The following ESR1 variants were observed in gnomAD, a reference collection of about 807,000 sequenced individuals.
ESR1 encodes the protein estrogen receptor.
Under a neutral mutation model 52.7 loss-of-function variants are expected in ESR1, and 12 were observed. That is an observed-to-expected ratio of 0.23 (90% CI 0.15 to 0.37). The LOEUF (loss-of-function observed/expected upper bound fraction) is 0.37, where lower values mean the gene tolerates loss of function less well. ESR1 is among the 10% of genes least tolerant of loss of function. ESR1 has a pLI of 1.00. For synonymous variants in ESR1, 305 were observed against 316.8 expected (o/e 0.96, Z 0.39); for missense variants, 584 against 779.7 (o/e 0.75, Z 2.99).
At chr6:152,123,939 C>T (rs144761472) in intron 6 of ESR1, among the ~76,000 whole-genome samples, 213 of 152,214 alleles carry the variant, frequency 1.4e-3, no homozygotes, top group African/African-American at 5.0e-3. Context: ...TGCGGAGTGA[C>T]ACCTAAGAAA....
intron 1 of ESR1, among the ~76,000 whole-genome samples, chr6:151,825,575 G>A (rs1270677500): frequency 6.6e-6 from 1 of 152,092 alleles, no homozygotes; most frequent in African/African-American, 2.4e-5. Flanking sequence ...CCAGAGTCAC[G>A]ATGGAAGGCA....
chr6:151,678,777 C>T (rs1221808495), intron 1 of ESR1, among the ~76,000 whole-genome samples: 1 of 151,726 alleles, frequency 6.6e-6, no homozygotes, highest in Non-Finnish European at 1.5e-5. Flanking sequence ...ACCTCCACCT[C>T]CTGGGTTCAA....
At chr6:152,090,761 G>C (rs1430009861) in intron 6 of ESR1, among the ~76,000 whole-genome samples, 1 of 152,222 alleles carries the variant, frequency 6.6e-6, no homozygotes, top group African/African-American at 2.4e-5. Flanking sequence ...TTGAGAGTGA[G>C]GGAGAGGGAG....
chr6:151,900,046 C>T (rs190038209), intron 3 of ESR1, among the ~76,000 whole-genome samples: 2,719 of 152,334 alleles, frequency 0.018, 47 homozygotes, highest in Non-Finnish European at 0.026. Flanking sequence ...AGGCAGGCTG[C>T]TGGGAGGTGG....
Position 152,027,944 on chromosome 6 carries a change from C to A in ESR1, c.1235+16150C>A, listed in dbSNP as rs1453350733. Among the ~76,000 whole-genome samples the A allele has an allele frequency of 3.9e-5, 6 of 152,066 alleles. No individual in the cohort carries two copies. The East Asian group carries it at 5.8e-4, about 15-fold the overall frequency. On this transcript the variant is annotated intron_variant, in intron 5 of 7. Transcript: ENST00000206249. ...AGATCATAAGGTTAGCAGATTGAGA[C>A]CATCCTGGATAACATGGTGAAACCC...
At chr6:151,855,181 T>C (rs1377319439) in intron 2 of ESR1, among the ~76,000 whole-genome samples, 1 of 152,234 alleles carries the variant, frequency 6.6e-6, no homozygotes, top group Non-Finnish European at 1.5e-5. Context: ...CCCAAAGTGC[T>C]GGGATTACAG....
chr6:151,693,987 C>T (rs1013207924), intron 1 of ESR1, among the ~76,000 whole-genome samples: 2 of 152,152 alleles, frequency 1.3e-5, no homozygotes, highest in African/African-American at 4.8e-5. Flanking sequence ...GGCCCCATAA[C>T]ATATGTCCAC....
At chr6:151,822,246 TGTAGAAGCAAAACAATTTGAG>T (rs1780677222) in intron 1 of ESR1, among the ~76,000 whole-genome samples, 1 of 152,216 alleles carries the variant, frequency 6.6e-6, no homozygotes, top group Admixed American at 6.5e-5. Context: ...CTTTTATACA[TGTAGAAGCAAAACAATTTGAG>T]GTAGGTGAAG....
intron 1 of ESR1, among the ~76,000 whole-genome samples, chr6:151,831,359 C>G (rs551403681): frequency 6.6e-6 from 1 of 152,102 alleles, no homozygotes; most frequent in African/African-American, 2.4e-5. Context: ...AGGCTGGTCT[C>G]TAACTCTTGG....
intron 6 of ESR1, among the ~76,000 whole-genome samples, chr6:152,093,146 A>G (rs59129251): frequency 0.019 from 2,886 of 152,098 alleles, 92 homozygotes; most frequent in African/African-American, 0.066. Context: ...GTGTGGTGGC[A>G]GGCTCGTGTA....
intron 3 of ESR1, among the ~76,000 whole-genome samples, chr6:151,933,952 C>T (rs1006037925): frequency 1.3e-5 from 2 of 152,194 alleles, no homozygotes; most frequent in African/African-American, 4.8e-5. Context: ...CTTCCAAGAG[C>T]CAAGAGTTCT....
chr6:151,925,360 A>G (rs1312931956), intron 3 of ESR1, among the ~76,000 whole-genome samples: 1 of 152,208 alleles, frequency 6.6e-6, no homozygotes, highest in African/African-American at 2.4e-5. Context: ...TAATCCCAGC[A>G]CTTTGGGAAG....
chr6:151,823,063 T>A (rs994681382), intron 1 of ESR1, among the ~76,000 whole-genome samples: 5 of 152,266 alleles, frequency 3.3e-5, no homozygotes, highest in African/African-American at 9.6e-5. Flanking sequence ...GAATTTCAGT[T>A]AAATAACAAA....
chr6:151,809,064 A>G, intron 1 of ESR1: 1 of 279,918 alleles, frequency 3.6e-6, no homozygotes, highest in Non-Finnish European at 7.8e-6. Context: ...GGAAATTTGT[A>G]GGTGTCCCGC....
intron 1 of ESR1, among the ~76,000 whole-genome samples, chr6:151,842,257 G>C (rs919842207): frequency 1.3e-5 from 2 of 152,156 alleles, no homozygotes; most frequent in African/African-American, 4.8e-5. Context: ...GAGTTGGGAT[G>C]AGCATTGGTC....
intron 2 of ESR1, among the ~76,000 whole-genome samples, chr6:151,874,963 A>G (rs1219275154): frequency 4.6e-5 from 7 of 152,226 alleles, no homozygotes; most frequent in African/African-American, 1.7e-4. Flanking sequence ...AAATGTCTCC[A>G]TAACCAACGT....
chr6:151,953,715 A>C (rs1237430267), intron 4 of ESR1, among the ~76,000 whole-genome samples: 1 of 152,040 alleles, frequency 6.6e-6, no homozygotes, highest in Non-Finnish European at 1.5e-5. Flanking sequence ...TCCGTCTAAA[A>C]AAAAAAAAGA....
intron 5 of ESR1, among the ~76,000 whole-genome samples, chr6:152,034,473 G>A (rs1369697121): frequency 1.3e-5 from 2 of 151,844 alleles, no homozygotes; most frequent in Non-Finnish European, 2.9e-5. Context: ...CTGTCACTGT[G>A]CTGTCCATAG....
At chr6:151,827,843 T>A (rs2128207270) in intron 1 of ESR1, among the ~76,000 whole-genome samples, 1 of 152,334 alleles carries the variant, frequency 6.6e-6, no homozygotes, top group East Asian at 1.9e-4. Context: ...AAAGACTATA[T>A]GTATGCACTT....
Sources: gnomAD v4.1 joint callset for allele counts (sites outside exome capture counted in the v4.1 genomes callset) on GRCh38, gnomAD v4.1.1 for gene constraint, MANE v1.5 for transcripts, NCBI Gene and HGNC (gene_info 2026-07-23, HGNC 2026-07-21) for gene names.